Variants in CLMN observed in about 807,000 individuals in gnomAD.
CLMN encodes calmin.
CLMN carries 57 observed loss-of-function variants against 92.7 expected under a neutral mutation model. The observed-to-expected ratio is 0.61, with a 90% CI of 0.50 to 0.77. The LOEUF is 0.77. Among genes scored for constraint, CLMN ranks in the 30% least tolerant of loss-of-function variants. The pLI, the probability that CLMN is intolerant of heterozygous loss-of-function variation, is 0.00. For missense variants in CLMN, 1,158 were observed against 1,237.5 expected, an observed-to-expected ratio of 0.94 and a Z score of 0.96; for synonymous variants, 466 against 470.6, an observed-to-expected ratio of 0.99 and a Z score of 0.13.
At chr14:95,300,550 C>T (rs868580631) in intron 1 of CLMN, among the ~76,000 whole-genome samples, 1 of 152,202 alleles carries the variant, frequency 6.6e-6, no homozygotes, top group African/African-American at 2.4e-5. Flanking sequence ...ACTTTGTTAG[C>T]TCAGGGCAAT....
At chr14:95,240,725 T>C (rs1412124524) in intron 1 of CLMN, among the ~76,000 whole-genome samples, 1 of 152,202 alleles carries the variant, frequency 6.6e-6, no homozygotes, top group Non-Finnish European at 1.5e-5. Context: ...TCAACCTTTA[T>C]AAAGCCTCGT....
chr14:95,226,870 T>A (rs889193310), intron 2 of CLMN, among the ~76,000 whole-genome samples: 1 of 152,210 alleles, frequency 6.6e-6, no homozygotes, highest in Admixed American at 6.5e-5. Flanking sequence ...TGAGCCACCA[T>A]GACCGGCCGA....
At chr14:95,200,364 T>C (rs923456936) in intron 9 of CLMN, among the ~76,000 whole-genome samples, 3 of 152,162 alleles carry the variant, frequency 2.0e-5, no homozygotes, top group African/African-American at 7.2e-5. Flanking sequence ...TTTTCCTTCT[T>C]TTTTTATCTT....
rs555834251 is a variant in CLMN, at chr14:95,203,278, G to C, written c.2071C>G (p.Pro691Ala). ...GTCTCCAAGCTGACACAGCTGCTTG[G>C]GGGGCTGGAAGATAATTCCTCGCCC... is the stretch of plus-strand genomic sequence containing the variant. Reference protein sequence around the residue: ...GVGEELSSSPPSSCVSLETLG... With the variant: ...GVGEELSSSPASSCVSLETLG... The change falls in exon 9 of 13, where the codon CCA (proline) becomes GCA (alanine). Residue 691 changes from proline to alanine, a missense_variant. Transcript: ENST00000298912. 16 of 1,613,980 alleles carry C rather than the reference G, an allele frequency of 9.9e-6. No homozygotes were observed. The South Asian group carries it at 1.2e-4, about 12-fold the overall frequency.
chr14:95,287,876 C>T (rs567711765), intron 1 of CLMN, among the ~76,000 whole-genome samples: 1 of 152,302 alleles, frequency 6.6e-6, no homozygotes, highest in Non-Finnish European at 1.5e-5. Context: ...CCTCCCTGTG[C>T]TCTCAACCAA....
At chr14:95,309,849 A>T (rs1901453868) in intron 1 of CLMN, among the ~76,000 whole-genome samples, 2 of 152,006 alleles carry the variant, frequency 1.3e-5, no homozygotes, top group African/African-American at 4.8e-5. Context: ...TGCGTATGAG[A>T]TTCCTGTGGC....
At chr14:95,229,004 G>A (rs1897798166) in intron 2 of CLMN, among the ~76,000 whole-genome samples, 1 of 152,186 alleles carries the variant, frequency 6.6e-6, no homozygotes, top group Non-Finnish European at 1.5e-5. Flanking sequence ...GGAGAAGAGA[G>A]ACGATTACCT....
chr14:95,310,869 C>T (rs919965242), intron 1 of CLMN, among the ~76,000 whole-genome samples: 2 of 152,216 alleles, frequency 1.3e-5, no homozygotes, highest in African/African-American at 4.8e-5. Flanking sequence ...AGCTGTGGCC[C>T]AGTTCCTTCA....
intron 1 of CLMN, among the ~76,000 whole-genome samples, chr14:95,271,111 T>C (rs767155225): frequency 1.5e-4 from 23 of 152,242 alleles, no homozygotes; most frequent in South Asian, 4.1e-4. Context: ...GTATCTTCTA[T>C]GAAGAAATAT....
At chr14:95,204,630 GTGT>G (rs1456453855) in intron 8 of CLMN, among the ~76,000 whole-genome samples, 167 bp from the exon 9 acceptor site, 6 of 152,242 alleles carry the variant, frequency 3.9e-5, no homozygotes, top group East Asian at 1.9e-4. Context: ...CCAATGCAAA[GTGT>G]TCTAAGATGT....
intron 1 of CLMN, among the ~76,000 whole-genome samples, chr14:95,242,131 T>A (rs1566888603): frequency 6.7e-6 from 1 of 149,790 alleles, no homozygotes; most frequent in Admixed American, 6.6e-5. Context: ...TGGGTGCACA[T>A]GATGGTCATC....
chr14:95,198,409 T>C (rs958219275), intron 9 of CLMN, among the ~76,000 whole-genome samples: 30 of 151,946 alleles, frequency 2.0e-4, no homozygotes, highest in Non-Finnish European at 3.2e-4. Flanking sequence ...CATCTCCTTG[T>C]CTGCCAGGAC....
At chr14:95,311,034 G>A (rs1166598874) in intron 1 of CLMN, among the ~76,000 whole-genome samples, 1 of 152,202 alleles carries the variant, frequency 6.6e-6, no homozygotes, top group Non-Finnish European at 1.5e-5. Context: ...GACAGTGGTT[G>A]TGGCAACTAA....
chr14:95,200,771 C>T (rs1021760273), intron 9 of CLMN, among the ~76,000 whole-genome samples: 4 of 152,132 alleles, frequency 2.6e-5, no homozygotes, highest in African/African-American at 9.7e-5. Flanking sequence ...GCTATTTACA[C>T]ACCAATTTCA....
chr14:95,197,635 A>G (rs921525206), intron 9 of CLMN, among the ~76,000 whole-genome samples: 14 of 152,208 alleles, frequency 9.2e-5, no homozygotes, highest in African/African-American at 2.9e-4. Flanking sequence ...TGGTAGTGCA[A>G]CATGTCTAGC....
chr14:95,303,535 C>T (rs141729342), intron 1 of CLMN, among the ~76,000 whole-genome samples: 86 of 152,348 alleles, frequency 5.6e-4, no homozygotes, highest in African/African-American at 1.9e-3. Flanking sequence ...GGCCCCCAAC[C>T]CTCACGCCTT....
At chr14:95,235,776 G>A (rs2140644470) in intron 1 of CLMN, among the ~76,000 whole-genome samples, 1 of 152,294 alleles carries the variant, frequency 6.6e-6, no homozygotes, top group East Asian at 1.9e-4. Context: ...GTCCACCGGG[G>A]CCAGTGTTTC....
At chr14:95,253,250 A>G (rs557961486) in intron 1 of CLMN, among the ~76,000 whole-genome samples, 1 of 152,338 alleles carries the variant, frequency 6.6e-6, no homozygotes, top group East Asian at 1.9e-4. Flanking sequence ...AAATTAGCTC[A>G]TGGATGCCTC....
intron 1 of CLMN, among the ~76,000 whole-genome samples, chr14:95,291,589 G>A (rs1124242): frequency 0.51 from 77,378 of 152,008 alleles, 21,898 homozygotes; most frequent in East Asian, 0.83. Flanking sequence ...AGCAAACCTC[G>A]CTGGGGAATG....
Sources: gnomAD v4.1 joint callset for allele counts (sites outside exome capture counted in the v4.1 genomes callset) on GRCh38, gnomAD v4.1.1 for gene constraint, MANE v1.5 for transcripts, NCBI Gene and HGNC (gene_info 2026-07-23, HGNC 2026-07-21) for gene names.